The following CHST15 variants were observed in gnomAD, a reference collection of about 807,000 sequenced individuals.
CHST15 encodes the protein B cell RAG associated protein (GALNAC4S-6ST).
Under a neutral mutation model 53.6 loss-of-function variants are expected in CHST15, and 30 were observed. That is an observed-to-expected ratio of 0.56 (90% confidence interval 0.42 to 0.76). The LOEUF is 0.76. Ranked by LOEUF, CHST15 falls within the 30% of genes least tolerant of loss-of-function variation. The pLI is 0.00. For synonymous variants in CHST15, 296 were observed against 289.8 expected (o/e 1.02, Z -0.22); for missense variants, 627 against 740.5 (o/e 0.85, Z 1.78).
chr10:124,021,445 C>T, intron 5 of CHST15, 33 bp from the exon 6 acceptor site: 1 of 1,581,762 alleles, frequency 6.3e-7, no homozygotes, highest in Non-Finnish European at 8.6e-7. Flanking sequence ...TTTTTACCAC[C>T]CATGAACATG....
intron 1 of CHST15, among the ~76,000 whole-genome samples, chr10:124,090,927 G>A (rs76110068): frequency 0.017 from 2,543 of 152,328 alleles, 78 homozygotes; most frequent in African/African-American, 0.059. Flanking sequence ...GGAGAGAGCC[G>A]CAAAGACAGG....
Position 124,045,870 on chromosome 10 carries a change from C to T in CHST15, c.343G>A (p.Gly115Ser), listed in dbSNP as rs1237865299. 1.2e-6 allele frequency: 2 copies of T among 1,613,780 alleles called. No homozygotes were observed. The highest frequency in any genetic ancestry group is 1.1e-5 in the South Asian group (1 of 91,048). Residue 115 changes from glycine (G) to serine (S), a missense_variant, in exon 2 of 8, where the codon GGC (glycine) becomes AGC (serine). Gly to Ser is a moderately conservative substitution (Grantham distance 56). Around this residue, in one of 3 missense-constraint regions of CHST15, gnomAD observed 187 missense variants for 251.8 expected, o/e 0.74. Transcript: ENST00000435907. ...ATCAAGCTGGGGTTGCTGGGGAAGC[C>T]TCCGTAATGGAAAGGTGATGAGATC... ...LLISSPFHYG[G>S]FPSNPSLMDS...
At chr10:124,010,556 T>C (rs933438647) in intron 7 of CHST15, 2 of 984,896 alleles carry the variant, frequency 2.0e-6, no homozygotes, top group Non-Finnish European at 2.4e-6. Flanking sequence ...CTGCGGCGGG[T>C]GCAGGATGCC....
rs1483111362 is a variant in CHST15 at position 124,008,380 on chromosome 10, AAT to A, written c.*1767_*1768del. The stretch of plus-strand genomic sequence containing the variant: ...ACACGCGCGCACTGTACTGCAAATA[AAT>A]ATACACACACACTGAAGTGATCTCT... On this transcript the variant is annotated 3_prime_UTR_variant, in exon 8 of 8. Coordinates refer to ENST00000435907, the MANE Select transcript of CHST15 (RefSeq NM_001270764.2). 9.9e-7 allele frequency: 1 copy of A among 1,011,526 alleles called. No individual in the cohort carries two copies. The highest frequency in any genetic ancestry group is 1.2e-6 in the Non-Finnish European group (1 of 847,726). The allele number at this position is 1,011,526 out of a possible 1,614,324, so 62.7% of individuals were successfully genotyped here.
rs1250342034 is a variant in CHST15 at position 124,046,264 on chromosome 10, C to G, written c.-52G>C. 1 of 1,516,160 alleles carries G rather than the reference C, an allele frequency of 6.6e-7. No individual in the cohort carries two copies. The highest frequency in any genetic ancestry group is 2.1e-5 in the Admixed American group (1 of 47,598). The allele number at this position is 1,516,160 out of a possible 1,614,324, so 93.9% of individuals were successfully genotyped here. ...GCTTACCGAGCCATGGGTGGGCCCC[C>G]CACGAGTCTGGATGTCCGCAAGTCG... On this transcript the variant is annotated 5_prime_UTR_variant, in exon 2 of 8. Coordinates refer to ENST00000435907, the MANE Select transcript of CHST15 (RefSeq NM_001270764.2).
In CHST15 at chr10:124,045,133, A is replaced by AC. The variant is rs1564882286; in HGVS notation, c.547-215_547-214insG. The stretch of plus-strand genomic sequence containing the variant: ...CCCACAAAAAAAAAAAAAAAAAAAA[A>AC]AAAAAAAAAAACTTGGAGAGAATAA... On this transcript the variant is annotated intron_variant, in intron 2 of 7. Coordinates refer to ENST00000435907, the MANE Select transcript of CHST15 (RefSeq NM_001270764.2). Among the ~76,000 whole-genome samples, 15 of 145,786 alleles carry AC rather than the reference A, an allele frequency of 1.0e-4. No individual in the cohort carries two copies. In the East Asian group the frequency reaches 1.9e-3, roughly 19 times the overall value.
In CHST15 at chr10:124,021,237, G is replaced by GGGGC; in HGVS notation, c.1347+18_1347+19insGCCC. ...TGCCAGGGGCCAGCTCGGGGGGTAC[G>GGGGC]GGGGGGGGGGGTACACACAGGCATG... On this transcript the variant is annotated intron_variant, in intron 6 of 7. Transcript: ENST00000435907. 5.1e-5 allele frequency: 4 copies of GGGGC among 77,768 alleles called. No individual in the cohort carries two copies. Among genetic ancestry groups the GGGGC allele is most frequent in the Non-Finnish European group, 6.7e-5 (4 of 59,978 alleles). The allele number at this position is 77,768 out of a possible 1,614,324, so 4.8% of individuals were successfully genotyped here.
chr10:124,066,696 A>G (rs532928721), intron 1 of CHST15, among the ~76,000 whole-genome samples: 30 of 152,196 alleles, frequency 2.0e-4, no homozygotes, highest in Non-Finnish European at 4.3e-4. Flanking sequence ...AAAAGCGTTC[A>G]CCTTACAATT....
At chr10:124,048,646 A>T (rs1350849332) in intron 1 of CHST15, among the ~76,000 whole-genome samples, 3 of 152,234 alleles carry the variant, frequency 2.0e-5, no homozygotes, top group Non-Finnish European at 2.9e-5. Context: ...ATTAAAGCCA[A>T]GAAAACATTT....
chr10:124,044,452 C>T, intron 3 of CHST15, 128 bp downstream of exon 3: 3 of 753,510 alleles, frequency 4.0e-6, no homozygotes. Context: ...TGGGAACAGC[C>T]TCCTAACAAG....
intron 1 of CHST15, among the ~76,000 whole-genome samples, chr10:124,058,145 C>T (rs1948442304): frequency 6.6e-6 from 1 of 151,770 alleles, no homozygotes; most frequent in Admixed American, 6.6e-5. Context: ...TGTATATCTA[C>T]TGACTCCGGT....
Position 124,024,319 on chromosome 10 carries a change from C to A in CHST15, c.1191-2907G>T, listed in dbSNP as rs375240963. On this transcript the variant is annotated intron_variant, in intron 5 of 7. Transcript: ENST00000435907. This position sits in a 1 kb window ranked among gnomAD's most constrained non-coding sequence, Gnocchi z 4.0. Reference sequence around the variant, plus strand: ...AGGGACAGGCCCAGAAGCTATCCACCTCCGTAGCCCACCTTGGCACATCGG... The same window carrying A: ...AGGGACAGGCCCAGAAGCTATCCACATCCGTAGCCCACCTTGGCACATCGG... 2.3e-4 allele frequency among the ~76,000 whole-genome samples: 35 copies of A among 152,322 alleles called. No individual in the cohort carries two copies. The highest frequency in any genetic ancestry group is 7.7e-4 in the African/African-American group (32 of 41,570).
At chr10:124,051,162 C>T (rs1948180758) in intron 1 of CHST15, among the ~76,000 whole-genome samples, 1 of 152,080 alleles carries the variant, frequency 6.6e-6, no homozygotes, top group South Asian at 2.1e-4. Flanking sequence ...AGGCTAGTCT[C>T]GAACTCTTGG....
chr10:124,081,979 C>T (rs933285227), intron 1 of CHST15, among the ~76,000 whole-genome samples: 1 of 152,198 alleles, frequency 6.6e-6, no homozygotes. Flanking sequence ...GCAGCCGGGC[C>T]GCCCATCACC....
At chr10:124,023,713 CTCCTCAAAGCTCTATACTTTCTAT>C (rs1946880011) in intron 5 of CHST15, among the ~76,000 whole-genome samples, 1 of 152,122 alleles carries the variant, frequency 6.6e-6, no homozygotes, top group Admixed American at 6.5e-5. Flanking sequence ...ACACTTCTCT[CTCCTCAAAGCTCTATACTTTCTAT>C]TCCTTCAACT....
chr10:124,013,086 T>G (rs1406632839), intron 6 of CHST15, among the ~76,000 whole-genome samples: 1 of 152,186 alleles, frequency 6.6e-6, no homozygotes, highest in African/African-American at 2.4e-5. Context: ...CGTGCCTTAC[T>G]GCAAGCCGTG....
intron 5 of CHST15, among the ~76,000 whole-genome samples, chr10:124,032,146 C>T (rs187505777): frequency 5.3e-5 from 8 of 152,314 alleles, no homozygotes; most frequent in Admixed American, 2.0e-4. Flanking sequence ...ACCAGTCCAA[C>T]GGGTTGTTTA....
At position 124,024,909 on chromosome 10, in the gene CHST15, A is replaced by T. The variant is rs1304911255; in HGVS notation, c.1191-3497T>A. On this transcript the variant is annotated intron_variant, in intron 5 of 7. Transcript: ENST00000435907. This position sits in a 1 kb window ranked among gnomAD's most constrained non-coding sequence, Gnocchi z 4.0. ...AGAAACTACGTCAATGAAAAGTAACAGATGCTTCTGAAACTGTCATAAAAT... is the reference window on the plus strand; with the variant it reads ...AGAAACTACGTCAATGAAAAGTAACTGATGCTTCTGAAACTGTCATAAAAT... Among the ~76,000 whole-genome samples the T allele has an allele frequency of 6.6e-6, 1 of 152,234 alleles. No individual in the cohort carries two copies. The highest frequency in any genetic ancestry group is 1.5e-5 in the Non-Finnish European group (1 of 68,050).
chr10:124,066,551 A>G (rs1018883182), intron 1 of CHST15, among the ~76,000 whole-genome samples: 1 of 151,272 alleles, frequency 6.6e-6, no homozygotes, highest in Non-Finnish European at 1.5e-5. Context: ...TCCCCTTTGG[A>G]TGACAACACA....
Sources: gnomAD v4.1 joint callset for allele counts (sites outside exome capture counted in the v4.1 genomes callset) on GRCh38, gnomAD v4.1.1 for gene constraint, gnomAD v4.1.1 regional missense constraint, Gnocchi (gnomAD v3.1) non-coding constraint, MANE v1.5 for transcripts, NCBI Gene and HGNC (gene_info 2026-07-23, HGNC 2026-07-21) for gene names.